The following GRM7 variants were observed in gnomAD, a reference collection of about 807,000 sequenced individuals.
The protein encoded by GRM7 is glutamate metabotropic receptor 7, also known as metabotropic glutamate receptor 7.
In GRM7, 35 loss-of-function variants were observed where a neutral mutation model predicts 84.5. The observed-to-expected ratio is 0.41, with a 90% CI of 0.32 to 0.55. The LOEUF is 0.55. Ranked by LOEUF, GRM7 falls within the 20% of genes least tolerant of loss-of-function variation. The pLI is 0.19. For missense variants in GRM7, 1,003 were observed against 1,194.6 expected (o/e 0.84, Z 2.36); for synonymous variants, 487 against 455.1 (o/e 1.07, Z -0.89).
At chr3:7,019,482 A>C (rs143660117) in intron 1 of GRM7, among the ~76,000 whole-genome samples, 2 of 152,278 alleles carry the variant, frequency 1.3e-5, no homozygotes, top group African/African-American at 4.8e-5. Context: ...AACAAATAAA[A>C]TGTATTTATT....
rs1575215635 is a variant in GRM7 at position 7,358,929 on chromosome 3, G to C, written c.1033+52277G>C. ...GGTCAGGGGTTTGAGACCAGCCTGG[G>C]CAACATGGTGAAACCCTGTCTCTAC... On this transcript the variant is annotated intron_variant, in intron 4 of 9. Coordinates refer to ENST00000357716, the MANE Select transcript of GRM7 (RefSeq NM_000844.4). 2.0e-5 allele frequency among the ~76,000 whole-genome samples: 3 copies of C among 151,816 alleles called. No individual in the cohort carries two copies. In the South Asian group the frequency reaches 6.2e-4, roughly 32 times the overall value.
chr3:7,184,465 A>G (rs1205904030), intron 2 of GRM7, among the ~76,000 whole-genome samples: 1 of 152,154 alleles, frequency 6.6e-6, no homozygotes, highest in African/African-American at 2.4e-5. Context: ...TTGATAAAAT[A>G]TATTAATTGT....
At chr3:7,735,989 A>G (rs1702486487) in intron 9 of GRM7, among the ~76,000 whole-genome samples, 1 of 152,160 alleles carries the variant, frequency 6.6e-6, no homozygotes, top group Admixed American at 6.5e-5. Flanking sequence ...TTACCAACTT[A>G]TATTTATACC....
At chr3:6,949,816 T>A (rs1406394463) in intron 1 of GRM7, among the ~76,000 whole-genome samples, 1 of 152,236 alleles carries the variant, frequency 6.6e-6, no homozygotes, top group Non-Finnish European at 1.5e-5. Context: ...TGATCTTCCA[T>A]CTCTGATACC....
chr3:7,256,294 AT>A (rs1170035362), intron 2 of GRM7, among the ~76,000 whole-genome samples: 1 of 152,316 alleles, frequency 6.6e-6, no homozygotes, highest in Admixed American at 6.5e-5. Flanking sequence ...TGTATTTTTC[AT>A]CCTGACATCT....
At position 7,029,800 on chromosome 3, in the gene GRM7, A is replaced by C. The variant is rs528718984; in HGVS notation, c.520-116652A>C. ...GGATAGATGCTGGTGATGGTTACGCAATCGTGCTAACATGCTTAATACCAC... is the reference window on the plus strand; with the variant it reads ...GGATAGATGCTGGTGATGGTTACGCCATCGTGCTAACATGCTTAATACCAC... On this transcript the variant is annotated intron_variant, in intron 1 of 9. Coordinates refer to ENST00000357716, the MANE Select transcript of GRM7 (RefSeq NM_000844.4). Among the ~76,000 whole-genome samples the C allele has an allele frequency of 2.0e-5, 3 of 152,340 alleles. No homozygotes were observed. The South Asian group carries it at 6.2e-4, about 32-fold the overall frequency.
At chr3:7,584,987 T>TA (rs1342948148) in intron 8 of GRM7, among the ~76,000 whole-genome samples, 10 of 152,310 alleles carry the variant, frequency 6.6e-5, no homozygotes, top group African/African-American at 2.4e-4. Flanking sequence ...CTTCCAGCCA[T>TA]ATAAACATAC....
chr3:7,564,043 AC>A (rs1227033397), intron 7 of GRM7, among the ~76,000 whole-genome samples: 2 of 152,164 alleles, frequency 1.3e-5, no homozygotes, highest in African/African-American at 4.8e-5. Context: ...GGAAGGGAAG[AC>A]CCAAAATCAG....
chr3:7,633,169 G>A (rs572114301), intron 8 of GRM7, among the ~76,000 whole-genome samples: 11 of 152,328 alleles, frequency 7.2e-5, no homozygotes, highest in East Asian at 3.9e-4. Flanking sequence ...GGACAAAAAC[G>A]TGAATTTGTG....
At chr3:7,734,806 C>G (rs1430850300) in intron 9 of GRM7, among the ~76,000 whole-genome samples, 1 of 152,106 alleles carries the variant, frequency 6.6e-6, no homozygotes, top group Non-Finnish European at 1.5e-5. Context: ...TGTATCTTCT[C>G]AAGTTGAGGA....
intron 1 of GRM7, among the ~76,000 whole-genome samples, chr3:7,140,117 G>A (rs1415773892): frequency 1.3e-5 from 2 of 151,898 alleles, no homozygotes; most frequent in African/African-American, 4.8e-5. Context: ...CCCCACATCT[G>A]TTATGGTGGC....
chr3:7,285,585 T>C (rs1432242951), intron 2 of GRM7, among the ~76,000 whole-genome samples: 1 of 152,096 alleles, frequency 6.6e-6, no homozygotes, highest in Non-Finnish European at 1.5e-5. Context: ...GGGGATAAAA[T>C]GTTGCATGTT....
At chr3:7,415,869 G>A (rs144422377) in intron 5 of GRM7, among the ~76,000 whole-genome samples, 56 of 152,160 alleles carry the variant, frequency 3.7e-4, no homozygotes, top group Middle Eastern at 3.4e-3. Flanking sequence ...TCTCACGAAC[G>A]AATTCATAAT....
chr3:6,997,129 G>T (rs933561502), intron 1 of GRM7, among the ~76,000 whole-genome samples: 3 of 151,994 alleles, frequency 2.0e-5, no homozygotes, highest in Admixed American at 2.0e-4. Flanking sequence ...TTGTTCCATA[G>T]CTCATTTGGC....
At chr3:7,174,622 C>A (rs1408407394) in intron 2 of GRM7, among the ~76,000 whole-genome samples, 2 of 152,126 alleles carry the variant, frequency 1.3e-5, no homozygotes, top group African/African-American at 2.4e-5. Flanking sequence ...GGTCTTTATT[C>A]CCTGTATCTT....
At chr3:7,730,888 G>A (rs1702305594) in intron 9 of GRM7, among the ~76,000 whole-genome samples, 1 of 152,008 alleles carries the variant, frequency 6.6e-6, no homozygotes, top group Admixed American at 6.6e-5. Flanking sequence ...AATCTGATGT[G>A]GTAATTTAAT....
chr3:6,997,074 C>G (rs1013927038), intron 1 of GRM7, among the ~76,000 whole-genome samples: 2 of 152,060 alleles, frequency 1.3e-5, no homozygotes, highest in African/African-American at 4.8e-5. Context: ...TATTTTTTCT[C>G]TCTGTGAGAG....
intron 2 of GRM7, among the ~76,000 whole-genome samples, chr3:7,262,837 A>T (rs932654675): frequency 8.5e-5 from 13 of 152,208 alleles, no homozygotes; most frequent in African/African-American, 3.1e-4. Context: ...AGCTGGGACT[A>T]CAGGCATGTG....
intron 8 of GRM7, among the ~76,000 whole-genome samples, chr3:7,589,325 A>T (rs1695669465): frequency 6.6e-6 from 1 of 152,240 alleles, no homozygotes; most frequent in South Asian, 2.1e-4. Flanking sequence ...CTACTGCCAT[A>T]AACTGAGGTT....
Sources: allele counts gnomAD v4.1 joint callset (sites outside exome capture counted in the v4.1 genomes callset), GRCh38; gene constraint gnomAD v4.1.1; transcripts MANE v1.5; gene names NCBI Gene and HGNC (gene_info 2026-07-23, HGNC 2026-07-21).